The following ATRNL1 variants were observed in gnomAD, a reference collection of about 807,000 sequenced individuals.
ATRNL1 encodes attractin like 1, also known as attractin-like protein 1.
In ATRNL1, 95 loss-of-function variants were observed where a neutral mutation model predicts 182.7. That is an observed-to-expected ratio of 0.52 (90% CI 0.44 to 0.62). The LOEUF is 0.62. Among genes scored for constraint, ATRNL1 ranks in the 20% least tolerant of loss-of-function variants. The pLI is 0.00. For missense variants in ATRNL1, 1,471 were observed against 1,679.5 expected (o/e 0.88, Z 2.17); for synonymous variants, 576 against 568.3 (o/e 1.01, Z -0.19).
intron 19 of ATRNL1, among the ~76,000 whole-genome samples, chr10:115,381,451 G>GTTTTTTTTTTTTTTTTTT (rs1858000474): frequency 4.3e-5 from 1 of 23,326 alleles, no homozygotes; most frequent in African/African-American, 2.0e-4. Flanking sequence ...TTTTTTTTTA[G>GTTTTTTTTTTTTTTTTTT]TAGACATGGG....
intron 27 of ATRNL1, among the ~76,000 whole-genome samples, chr10:115,801,130 G>T (rs532689841): frequency 1.3e-5 from 2 of 152,286 alleles, no homozygotes; most frequent in Non-Finnish European, 2.9e-5. Flanking sequence ...TTTCTTTGGT[G>T]AGGATAACCC....
At chr10:115,798,849 C>T (rs1171996256) in intron 27 of ATRNL1, among the ~76,000 whole-genome samples, 24 of 125,496 alleles carry the variant, frequency 1.9e-4, no homozygotes, top group African/African-American at 4.6e-4. Context: ...TTTTTTGAGT[C>T]GGAGCCTCGC....
At chr10:115,192,085 A>G (rs2120438) in intron 8 of ATRNL1, among the ~76,000 whole-genome samples, 20 of 152,016 alleles carry the variant, frequency 1.3e-4, no homozygotes, top group Non-Finnish European at 2.5e-4. Context: ...GCTGTGCAGA[A>G]GATTTTTTTA....
At chr10:115,169,037 T>C (rs1230972790) in intron 7 of ATRNL1, among the ~76,000 whole-genome samples, 11 of 149,002 alleles carry the variant, frequency 7.4e-5, no homozygotes, top group African/African-American at 2.7e-4. Context: ...TTTTTTTGCA[T>C]GTGACTATCC....
At chr10:115,181,929 GC>G (rs1330871154) in intron 8 of ATRNL1, among the ~76,000 whole-genome samples, 1 of 151,574 alleles carries the variant, frequency 6.6e-6, no homozygotes, top group Non-Finnish European at 1.5e-5. Flanking sequence ...GAAGATGAAT[GC>G]AAAGAGACAG....
intron 20 of ATRNL1, among the ~76,000 whole-genome samples, chr10:115,414,274 A>T (rs369206900): frequency 4.5e-4 from 68 of 151,884 alleles, no homozygotes; most frequent in African/African-American, 1.5e-3. Context: ...TATGTAGTCA[A>T]ATTTTGGGTT....
chr10:115,844,094 C>T (rs532083524), intron 27 of ATRNL1, among the ~76,000 whole-genome samples: 5 of 152,102 alleles, frequency 3.3e-5, no homozygotes, highest in South Asian at 4.2e-4. Flanking sequence ...TGCCTTGAAG[C>T]GACTTAGTTT....
At chr10:115,640,374 C>T (rs1859161595) in intron 26 of ATRNL1, among the ~76,000 whole-genome samples, 1 of 152,246 alleles carries the variant, frequency 6.6e-6, no homozygotes, top group South Asian at 2.1e-4. Context: ...ATGGTTGAAC[C>T]TAATTTACAC....
At chr10:115,561,760 C>G (rs960656337) in intron 26 of ATRNL1, among the ~76,000 whole-genome samples, 2 of 149,696 alleles carry the variant, frequency 1.3e-5, no homozygotes, top group Non-Finnish European at 3.0e-5. Context: ...TGAAAAGATG[C>G]TCAACAATGT....
chr10:115,802,160 T>C lies in ATRNL1; in HGVS notation c.3904-45717T>C, dbSNP rs545482399. ...CTCCTCCCAGAGACTACTAAGGCCA[T>C]GTCAAGGAAGCTGTCTCCCCTATGG... is the stretch of plus-strand genomic sequence containing the variant. On this transcript the variant is annotated intron_variant, in intron 27 of 28. Transcript: ENST00000355044. Among the ~76,000 whole-genome samples the C allele has an allele frequency of 2.6e-5, 4 of 152,134 alleles. No homozygotes were observed. The East Asian group carries it at 5.8e-4, about 22-fold the overall frequency.
At chr10:115,607,403 CATT>C (rs1236384942) in intron 26 of ATRNL1, among the ~76,000 whole-genome samples, 1 of 151,698 alleles carries the variant, frequency 6.6e-6, no homozygotes, top group Non-Finnish European at 1.5e-5. Flanking sequence ...AAATGATAAT[CATT>C]ATATGATAAC....
intron 28 of ATRNL1, among the ~76,000 whole-genome samples, chr10:115,879,540 A>G (rs956363861): frequency 5.3e-5 from 8 of 151,632 alleles, no homozygotes; most frequent in Non-Finnish European, 1.0e-4. Flanking sequence ...GTGAGTCTGT[A>G]TAACGGGGTA....
intron 28 of ATRNL1, among the ~76,000 whole-genome samples, chr10:115,892,975 T>G (rs1952116349): frequency 6.6e-6 from 1 of 152,244 alleles, no homozygotes; most frequent in African/African-American, 2.4e-5. Context: ...AAATTGCTAT[T>G]GAATTCTTTA....
intron 8 of ATRNL1, among the ~76,000 whole-genome samples, chr10:115,213,273 A>T (rs561010009): frequency 7.9e-5 from 12 of 152,154 alleles, no homozygotes; most frequent in African/African-American, 2.9e-4. Flanking sequence ...TTTTGCATTC[A>T]GGTCTTGTGG....
chr10:115,363,705 A>T (rs2134165945), intron 19 of ATRNL1, among the ~76,000 whole-genome samples: 1 of 152,140 alleles, frequency 6.6e-6, no homozygotes, highest in East Asian at 1.9e-4. Context: ...ATAAGGTGTA[A>T]GGAAGGGATC....
intron 18 of ATRNL1, among the ~76,000 whole-genome samples, chr10:115,316,152 C>G (rs1449324266): frequency 1.3e-5 from 2 of 152,118 alleles, no homozygotes; most frequent in Non-Finnish European, 2.9e-5. Flanking sequence ...TGTTCCCCTC[C>G]CTGTGTCCAC....
chr10:115,648,069 T>C (rs1457125485), intron 26 of ATRNL1, among the ~76,000 whole-genome samples: 6 of 152,176 alleles, frequency 3.9e-5, no homozygotes, highest in Admixed American at 3.9e-4. Context: ...TCCCCATTTC[T>C]TGTTTTTGTC....
intron 9 of ATRNL1, chr10:115,220,400 A>G (rs1554897171): frequency 6.6e-6 from 1 of 152,094 alleles, no homozygotes; most frequent in African/African-American, 2.4e-5. Context: ...GTGGTGAAGC[A>G]GTTTTGAAGG....
chr10:115,650,267 T>A (rs1344050128), intron 26 of ATRNL1, among the ~76,000 whole-genome samples: 6 of 152,122 alleles, frequency 3.9e-5, no homozygotes, highest in Admixed American at 3.9e-4. Context: ...GATGTTGAAA[T>A]CTCAGCGTAT....
Sources: allele counts gnomAD v4.1 joint callset (sites outside exome capture counted in the v4.1 genomes callset), GRCh38; gene constraint gnomAD v4.1.1; transcripts MANE v1.5; gene names NCBI Gene and HGNC (gene_info 2026-07-23, HGNC 2026-07-21).